Variants in DMD observed in about 807,000 individuals in gnomAD.
The protein encoded by DMD is mutant dystrophin.
A neutral mutation model predicts 330.1 loss-of-function variants in DMD; 63 were observed. That is an observed-to-expected ratio of 0.19 (90% CI 0.16 to 0.24). The LOEUF (loss-of-function observed/expected upper bound fraction) is 0.24, where lower values mean the gene tolerates loss of function less well. Ranked by LOEUF, DMD falls within the 10% of genes least tolerant of loss-of-function variation. The pLI is 1.00. For synonymous variants in DMD, 1,223 were observed against 959.8 expected (o/e 1.27, Z -5.07); for missense variants, 3,344 against 2,684.1 (o/e 1.25, Z -5.43).
At chrX:33,080,718 C>A (rs762860479) in intron 1 of DMD, among the ~76,000 whole-genome samples, 1 of 111,047 alleles carries the variant, frequency 9.0e-6, no homozygotes, top group African/African-American at 3.3e-5. Context: ...ATAAATTGAA[C>A]AATTTTCCAA....
intron 11 of DMD, among the ~76,000 whole-genome samples, chrX:32,627,237 G>C (rs1311157124): frequency 1.1e-5 from 1 of 90,459 alleles, no homozygotes; most frequent in African/African-American, 5.3e-5. Flanking sequence ...GCTGTATCCA[G>C]ACAACATGAC....
chrX:32,816,434 T>A, intron 6 of DMD, 34 bp downstream of exon 6: 1 of 1,204,243 alleles, frequency 8.3e-7, no homozygotes, highest in Non-Finnish European at 1.1e-6. Flanking sequence ...TCACCACTTT[T>A]ACAAGTTATT....
intron 58 of DMD, 130 bp downstream of exon 58, chrX:31,478,846 TATGTTTA>T (rs2068021465): frequency 1.6e-6 from 1 of 643,170 alleles, no homozygotes; most frequent in African/African-American, 2.3e-5. Flanking sequence ...TTTCAGCATC[TATGTTTA>T]ATTTGAATTG....
At chrX:32,618,325 G>A (rs922628858) in intron 11 of DMD, among the ~76,000 whole-genome samples, 2 of 112,059 alleles carry the variant, frequency 1.8e-5, no homozygotes, top group African/African-American at 6.5e-5. Flanking sequence ...GGAATACTAT[G>A]CGGCCATGAA....
chrX:32,397,721 T>C (rs2098055460), intron 30 of DMD, among the ~76,000 whole-genome samples: 1 of 111,347 alleles, frequency 9.0e-6, no homozygotes, highest in Non-Finnish European at 1.9e-5. Context: ...GACTTTACAG[T>C]TAACTGAGCA....
intron 2 of DMD, among the ~76,000 whole-genome samples, chrX:32,875,414 C>CT (rs1242528631): frequency 8.9e-6 from 1 of 112,120 alleles, no homozygotes; most frequent in East Asian, 2.8e-4. Context: ...GTGAGAAACT[C>CT]TATGCAAAGT....
intron 2 of DMD, among the ~76,000 whole-genome samples, chrX:32,916,613 A>G (rs1300414200): frequency 5.4e-5 from 6 of 111,744 alleles, no homozygotes; most frequent in African/African-American, 1.9e-4. Context: ...ACTAAAACCC[A>G]TAGAAACTTT....
intron 62 of DMD, among the ~76,000 whole-genome samples, chrX:31,308,309 G>T (rs777451214): frequency 1.8e-5 from 2 of 112,210 alleles, no homozygotes; most frequent in African/African-American, 6.5e-5. Context: ...AGGAGCTACT[G>T]AAGGAATATA....
chrX:33,328,250 T>A (rs757668014), intron 1 of DMD, among the ~76,000 whole-genome samples: 1 of 111,462 alleles, frequency 9.0e-6, no homozygotes, highest in South Asian at 3.8e-4. Flanking sequence ...GTCACCCAGG[T>A]TGGAGTGCAC....
intron 52 of DMD, among the ~76,000 whole-genome samples, chrX:31,723,519 C>A (rs2085742167): frequency 9.1e-6 from 1 of 109,417 alleles, no homozygotes. Context: ...CACCTTATGT[C>A]TCAATTTCAC....
intron 55 of DMD, among the ~76,000 whole-genome samples, chrX:31,539,581 G>T (rs2073665824): frequency 8.9e-6 from 1 of 111,768 alleles, no homozygotes; most frequent in South Asian, 3.7e-4. Context: ...AAAATGTAGT[G>T]CCAAGTGCAC....
chrX:31,757,659 C>T (rs1364941699), intron 51 of DMD, among the ~76,000 whole-genome samples: 1 of 110,522 alleles, frequency 9.0e-6, no homozygotes, highest in Admixed American at 9.7e-5. Flanking sequence ...TTTATAAGGG[C>T]ACTGATCCTG....
chrX:31,498,525 G>C (rs769182086), intron 56 of DMD, among the ~76,000 whole-genome samples: 31 of 111,983 alleles, frequency 2.8e-4, no homozygotes, highest in Non-Finnish European at 5.3e-4. Context: ...GTTACTAAAT[G>C]AGAAAACAGG....
At position 31,320,168 on chromosome X, in the gene DMD, G is replaced by A. The variant is rs186342124; in HGVS notation, c.9224+3430C>T. Reference sequence around the variant, plus strand: ...GTGGACAAATAAACTAGACAAACACGTAGTTTGAAGTATCAAAATCAAGGT... The same window carrying A: ...GTGGACAAATAAACTAGACAAACACATAGTTTGAAGTATCAAAATCAAGGT... On this transcript the variant is annotated intron_variant, in intron 62 of 78. Transcript: ENST00000357033. Among the ~76,000 whole-genome samples the A allele has an allele frequency of 8.0e-5, 9 of 112,322 alleles. No homozygotes were observed. In the South Asian group the frequency reaches 1.1e-3, roughly 14 times the overall value.
intron 47 of DMD, among the ~76,000 whole-genome samples, chrX:31,893,566 A>G (rs917577649): frequency 7.2e-5 from 8 of 110,489 alleles, no homozygotes; most frequent in African/African-American, 9.9e-5. Flanking sequence ...CTGTCACACA[A>G]AAAAAGGGGA....
intron 51 of DMD, among the ~76,000 whole-genome samples, chrX:31,747,138 C>T (rs1352137812): frequency 1.8e-5 from 2 of 111,355 alleles, no homozygotes; most frequent in South Asian, 3.8e-4. Context: ...AGTGGAATTG[C>T]TATTATAGAG....
At chrX:31,642,955 T>G (rs751379969) in intron 54 of DMD, among the ~76,000 whole-genome samples, 1 of 112,185 alleles carries the variant, frequency 8.9e-6, no homozygotes, top group East Asian at 2.8e-4. Context: ...TATATCAAAT[T>G]GTTGAATTAA....
At chrX:32,983,715 A>C (rs1017031089) in intron 2 of DMD, among the ~76,000 whole-genome samples, 1 of 111,745 alleles carries the variant, frequency 8.9e-6, no homozygotes, top group African/African-American at 3.2e-5. Context: ...TATCCGTATT[A>C]TTTCTTATTA....
At chrX:32,489,174 GCAGAGTC>G (rs754745952) in intron 20 of DMD, among the ~76,000 whole-genome samples, 2 of 111,190 alleles carry the variant, frequency 1.8e-5, no homozygotes, top group South Asian at 3.8e-4. Context: ...TACAATAAAA[GCAGAGTC>G]CATGAATGCC....
Sources: allele counts gnomAD v4.1 joint callset (sites outside exome capture counted in the v4.1 genomes callset), GRCh38; gene constraint gnomAD v4.1.1; transcripts MANE v1.5; gene names NCBI Gene and HGNC (gene_info 2026-07-23, HGNC 2026-07-21).